PNPLA3: variants seen among roughly 807,000 people sequenced by gnomAD.
PNPLA3 encodes patatin like domain 3, 1-acylglycerol-3-phosphate O-acyltransferase.
Under a neutral mutation model 43.1 loss-of-function variants are expected in PNPLA3, and 42 were observed. The ratio of observed to expected loss-of-function variants is 0.97; its 90% CI spans 0.76 to 1.26. PNPLA3 has a LOEUF of 1.26. Among genes scored for constraint, PNPLA3 ranks in the 50% most tolerant of loss-of-function variants. The pLI is 0.00. For missense variants in PNPLA3, 647 were observed against 621.4 expected, an observed-to-expected ratio of 1.04 and a Z score of -0.44; for synonymous variants, 272 against 253.6, an observed-to-expected ratio of 1.07 and a Z score of -0.69.
In PNPLA3 at chr22:43,946,473, C is replaced by T. The variant is rs2050064352; in HGVS notation, c.*91C>T. The T allele has an allele frequency of 1.0e-5, 13 of 1,258,650 alleles. No individual in the cohort carries two copies. The highest frequency in any genetic ancestry group is 1.5e-5 in the Non-Finnish European group (13 of 868,090). 78.0% of individuals were successfully genotyped at this position (1,258,650 alleles called of 1,614,324 possible). A position where few individuals can be genotyped will look rare whatever the true frequency, so the allele number is the denominator to read the frequency against. ...CTACCTCCGCATTGCTGTGTAGTGA[C>T]CCCTGCCTGTGACGTGGAGGATCCC... On this transcript the variant is annotated 3_prime_UTR_variant, in exon 9 of 9. Transcript: ENST00000216180.
At position 43,937,106 on chromosome 22, in the gene PNPLA3, T is replaced by C. The variant is rs768103823; in HGVS notation, c.813T>C (p.Pro271=). 8 of 1,614,112 alleles carry C rather than the reference T, an allele frequency of 5.0e-6. No homozygotes were observed. In the South Asian group the frequency reaches 6.6e-5, roughly 13 times the overall value. The part of the protein sequence containing the change: ...GLKSSSEGMD[P]EVAMPSWANM... ...AGTCATCCTCAGAAGGGATGGATCCTGAGGTCGCCATGCCCAGCTGGGCAA... is the reference window on the plus strand; with the variant it reads ...AGTCATCCTCAGAAGGGATGGATCCCGAGGTCGCCATGCCCAGCTGGGCAA... The change falls in exon 6 of 9, where the codon CCT becomes CCC. Residue 271 remains proline, a synonymous_variant. Coordinates refer to ENST00000216180, the MANE Select transcript of PNPLA3 (RefSeq NM_025225.3).
intron 7 of PNPLA3, among the ~76,000 whole-genome samples, chr22:43,941,863 C>A (rs2050033274): frequency 6.6e-6 from 1 of 151,666 alleles, no homozygotes; most frequent in African/African-American, 2.4e-5. Flanking sequence ...ATACAGGCAT[C>A]AGGAATGGGG....
At position 43,934,063 on chromosome 22, in the gene PNPLA3, T is replaced by TC. The variant is rs551253512; in HGVS notation, c.697-540dup. Among the ~76,000 whole-genome samples the TC allele has an allele frequency of 7.2e-5, 11 of 152,164 alleles. No individual in the cohort carries two copies. In the East Asian group the frequency reaches 1.9e-3, roughly 27 times the overall value. On this transcript the variant is annotated intron_variant, in intron 4 of 8. Transcript: ENST00000216180. Reference sequence around the variant, plus strand: ...CAGGCGCGGTGGCTCACGCCTGTAATCCCAGCACTTTGGGAGGCTGAGGCA... The same window carrying TC: ...CAGGCGCGGTGGCTCACGCCTGTAATCCCCAGCACTTTGGGAGGCTGAGGCA...
In PNPLA3 at chr22:43,932,886, G is replaced by A; in HGVS notation, c.495G>A (p.Val165=). The change falls in exon 4 of 9, where the codon GTG becomes GTA. Residue 165 remains valine (V), a synonymous_variant. Transcript: ENST00000216180. ...TTCCCCTTCTTTAAAAGCGATATGT[G>A]GATGGAGGAGTGAGTGACAACGTAC... is the stretch of plus-strand genomic sequence containing the variant. ...IPPSFRGVRY[V]DGGVSDNVPF... 6.2e-7 allele frequency: 1 copy of A among 1,614,098 alleles called. No homozygotes were observed. Among genetic ancestry groups the A allele is most frequent in the Non-Finnish European group, 8.5e-7 (1 of 1,179,960 alleles).
intron 3 of PNPLA3, 75 bp downstream of exon 3, chr22:43,928,964 G>A (rs2146776918): frequency 1.4e-6 from 2 of 1,440,134 alleles, no homozygotes; most frequent in South Asian, 1.1e-5. Context: ...TGCCTGCAGG[G>A]CACTGGTGTC....
chr22:43,944,502 A>G (rs2050050692), intron 7 of PNPLA3, among the ~76,000 whole-genome samples, 189 bp from the exon 8 acceptor site: 1 of 151,954 alleles, frequency 6.6e-6, no homozygotes, highest in African/African-American at 2.4e-5. Context: ...GCTTTCTTGA[A>G]CCAGAAGTGG....
At chr22:43,939,471 T>C in intron 6 of PNPLA3, 1 of 909,866 alleles carries the variant, frequency 1.1e-6, no homozygotes, top group Non-Finnish European at 1.3e-6. Context: ...CTCTCTTAGC[T>C]GTTCTTGGCT....
chr22:43,942,869 A>G (rs1479846991), intron 7 of PNPLA3, among the ~76,000 whole-genome samples: 1 of 151,286 alleles, frequency 6.6e-6, no homozygotes, highest in Non-Finnish European at 1.5e-5. Flanking sequence ...CACCCAACAA[A>G]TATTTTTTAA....
chr22:43,932,566 A>G (rs1024325016), intron 3 of PNPLA3, among the ~76,000 whole-genome samples: 1 of 152,210 alleles, frequency 6.6e-6, no homozygotes, highest in Non-Finnish European at 1.5e-5. Context: ...ATAGGTGCCC[A>G]TCTGGCCCTA....
rs749385242 is a variant in PNPLA3 at position 43,944,790 on chromosome 22, C to T, written c.1212C>T (p.Ala404=). Residue 404 remains alanine (A), a synonymous_variant, in exon 8 of 9, where the codon GCC becomes GCT. Coordinates refer to ENST00000216180, the MANE Select transcript of PNPLA3 (RefSeq NM_025225.3). The part of the protein sequence containing the change: ...FTRVLMCLLP[A]SRSQMPVSSQ... Reference sequence around the variant, plus strand: ...GAGTGCTGATGTGTCTGCTCCCCGCCTCCAGGTAAATACTTTGGCTGTGGG... The same window carrying T: ...GAGTGCTGATGTGTCTGCTCCCCGCTTCCAGGTAAATACTTTGGCTGTGGG... The T allele has an allele frequency of 1.7e-5, 28 of 1,614,092 alleles. No individual in the cohort carries two copies. Among genetic ancestry groups the T allele is most frequent in the East Asian group, 2.2e-5 (1 of 44,884 alleles).
In PNPLA3 at chr22:43,932,862, TC is replaced by T. The variant is rs201495418; in HGVS notation, c.487-12del. 5.8e-4 allele frequency: 929 copies of T among 1,612,722 alleles called. 4 individuals carry two copies. The African/African-American group carries it at 0.011, about 19-fold the overall frequency. On this transcript the variant is annotated splice_polypyrimidine_tract_variant and intron_variant, in intron 3 of 8. Coordinates refer to ENST00000216180, the MANE Select transcript of PNPLA3 (RefSeq NM_025225.3). ...AGCTTCAGACAGTGCCAGTCCTTTT[TC>T]CCCTTCTTTAAAAGCGATATGTGGA...
intron 3 of PNPLA3, among the ~76,000 whole-genome samples, chr22:43,931,682 A>C (rs896830091): frequency 2.6e-5 from 4 of 151,930 alleles, no homozygotes; most frequent in African/African-American, 9.7e-5. Context: ...TGCCCAGCTA[A>C]TTTTTGTATT....
At chr22:43,929,962 T>C (rs1294397219) in intron 3 of PNPLA3, among the ~76,000 whole-genome samples, 1 of 152,136 alleles carries the variant, frequency 6.6e-6, no homozygotes. Flanking sequence ...GATTTGTGCT[T>C]TGTTTTGTTT....
chr22:43,937,248 A>T lies in PNPLA3; in HGVS notation c.955A>T (p.Thr319Ser). The change falls in exon 6 of 9, where the codon ACC (threonine) becomes TCC (serine). Residue 319 changes from threonine to serine, a missense_variant. Transcript: ENST00000216180. ...GCCCTGGGATGAGAGCATCCTGGAC[A>T]CCCTCTCGCCCAGGCTCGCTACAGG... Reference protein sequence around the residue: ...ILPWDESILDTLSPRLATALS... With the variant: ...ILPWDESILDSLSPRLATALS... 6.2e-7 allele frequency: 1 copy of T among 1,613,854 alleles called. No individual in the cohort carries two copies. The highest frequency in any genetic ancestry group is 8.5e-7 in the Non-Finnish European group (1 of 1,180,004).
chr22:43,937,444 G>A (rs1373371849), intron 6 of PNPLA3, among the ~76,000 whole-genome samples, 172 bp downstream of exon 6: 1 of 152,158 alleles, frequency 6.6e-6, no homozygotes, highest in South Asian at 2.1e-4. Flanking sequence ...TCCCAGCACA[G>A]CCCCCAACCC....
At chr22:43,926,812 T>G in intron 1 of PNPLA3, 123 bp from the exon 2 acceptor site, 1 of 748,928 alleles carries the variant, frequency 1.3e-6, no homozygotes, top group Non-Finnish European at 2.2e-6. Context: ...GTGGCTCCCA[T>G]AGTAGACAGT....
At chr22:43,934,797 T>G in intron 5 of PNPLA3, 131 bp downstream of exon 5, 1 of 823,078 alleles carries the variant, frequency 1.2e-6, no homozygotes, top group Non-Finnish European at 2.0e-6. Context: ...CTCAACCTAC[T>G]CATGAGCCCA....
intron 5 of PNPLA3, among the ~76,000 whole-genome samples, chr22:43,936,497 T>G (rs541491479): frequency 2.0e-5 from 3 of 152,284 alleles, no homozygotes; most frequent in African/African-American, 7.2e-5. Flanking sequence ...GGACAGGGCC[T>G]GGCACATACT....
In PNPLA3 at chr22:43,932,965, G is replaced by A. The variant is rs767874226; in HGVS notation, c.574G>A (p.Asp192Asn). ...ITVSPFYGEYDICPKVKSTNF... is the reference protein window; with the variant it reads ...ITVSPFYGEYNICPKVKSTNF... The stretch of plus-strand genomic sequence containing the variant: ...CGTGTCCCCCTTCTATGGGGAGTAC[G>A]ACATCTGCCCTAAAGTCAAGTCCAC... Residue 192 changes from aspartate (D) to asparagine (N), a missense_variant, in exon 4 of 9, where the codon GAC becomes AAC. By Grantham distance (23) the Asp-to-Asn change is conservative (BLOSUM62 1). Coordinates refer to ENST00000216180, the MANE Select transcript of PNPLA3 (RefSeq NM_025225.3). The A allele has an allele frequency of 2.2e-5, 35 of 1,614,112 alleles. No homozygotes were observed. The East Asian group carries it at 5.6e-4, about 26-fold the overall frequency.
Sources: gnomAD v4.1 joint callset for allele counts (sites outside exome capture counted in the v4.1 genomes callset) on GRCh38, gnomAD v4.1.1 for gene constraint, MANE v1.5 for transcripts, NCBI Gene and HGNC (gene_info 2026-07-23, HGNC 2026-07-21) for gene names.